The following MED12 variants were observed in gnomAD, a reference collection of about 807,000 sequenced individuals.
MED12 encodes mediator of RNA polymerase II transcription subunit 12.
A neutral mutation model predicts 177.7 loss-of-function variants in MED12; 10 were observed. The observed-to-expected ratio is 0.06, with a 90% confidence interval of 0.03 to 0.10. The LOEUF is 0.10. Ranked by LOEUF, MED12 falls within the 10% of genes least tolerant of loss-of-function variation. The pLI, the probability that MED12 is intolerant of heterozygous loss-of-function variation, is 1.00. For missense variants in MED12, 867 were observed against 1,780.8 expected, an observed-to-expected ratio of 0.49 and a Z score of 9.23; for synonymous variants, 641 against 678.4, an observed-to-expected ratio of 0.94 and a Z score of 0.86.
rs863223706 is a variant in MED12, at chrX:71,130,050, C to T, written c.3883C>T (p.Arg1295Cys). The T allele has an allele frequency of 8.3e-7, 1 of 1,209,372 alleles. No homozygotes were observed. Among genetic ancestry groups the T allele is most frequent in the Non-Finnish European group, 1.1e-6 (1 of 894,293 alleles). ...SICQQEWVGE[R>C]CLKSLCEDSN... ...GCTTCCTCAGGAATGGGTAGGAGAACGTTGCCTTAAGTCTCTGTGTGAGGA... is the reference window on the plus strand; with the variant it reads ...GCTTCCTCAGGAATGGGTAGGAGAATGTTGCCTTAAGTCTCTGTGTGAGGA... The change falls in exon 28 of 45, where the codon CGT becomes TGT. Residue 1295 changes from arginine to cysteine, a missense_variant. Around this residue, in one of 14 missense-constraint regions of MED12, gnomAD observed 11 missense variants for 48.4 expected, o/e 0.23. Transcript: ENST00000374080.
chrX:71,128,112 T>A lies in MED12; in HGVS notation c.3201T>A (p.Asp1067Glu), dbSNP rs758288118. ...TGCACGTCTGTGTGGGGCACCATGA[T>A]CCCGATAGGTATGGGGTGTACTGAG... Reference protein sequence around the residue: ...ALMHVCVGHHDPDRVNDIAIL... With the variant: ...ALMHVCVGHHEPDRVNDIAIL... Residue 1067 changes from aspartate to glutamate, a missense_variant, in exon 22 of 45, where the codon GAT (aspartate) becomes GAA (glutamate). Physicochemically the swap from Asp to Glu is conservative, Grantham distance 45. Transcript: ENST00000374080. The A allele has an allele frequency of 4.1e-6, 5 of 1,206,555 alleles. No homozygotes were observed. Among genetic ancestry groups the A allele is most frequent in the Non-Finnish European group, 5.6e-6 (5 of 892,919 alleles).
chrX:71,141,992 A>G, intron 44 of MED12, 28 bp downstream of exon 44: 1 of 1,201,528 alleles, frequency 8.3e-7, no homozygotes, highest in Non-Finnish European at 1.1e-6. Context: ...CCCAAGGAGA[A>G]CCCCATGGAA....
At chrX:71,138,714 T>C (rs746870086) in intron 41 of MED12, among the ~76,000 whole-genome samples, 20 of 108,091 alleles carry the variant, frequency 1.9e-4, no homozygotes, top group Non-Finnish European at 2.7e-4. Flanking sequence ...GCCGAGATTG[T>C]GCCACAGCAC....
At position 71,137,210 on chromosome X, in the gene MED12, C is replaced by T. The variant is rs759956340; in HGVS notation, c.5575C>T (p.Arg1859Cys). Residue 1859 changes from arginine to cysteine, a missense_variant, in exon 39 of 45, where the codon CGT (arginine) becomes TGT (cysteine). Arg to Cys is a radical substitution (Grantham distance 180). Around this residue, in one of 14 missense-constraint regions of MED12, gnomAD observed 236 missense variants for 345.2 expected, o/e 0.68. Transcript: ENST00000374080. ...PAGGPRVDPYRPVRLPMQKLP... is the reference protein window; with the variant it reads ...PAGGPRVDPYCPVRLPMQKLP... ...AGGTGGCCCTCGTGTGGACCCATAC[C>T]GTCCTGTGCGCTTACCAATGCAGAA... The T allele has an allele frequency of 7.4e-6, 9 of 1,211,710 alleles. No individual in the cohort carries two copies. Among genetic ancestry groups the T allele is most frequent in the Non-Finnish European group, 7.8e-6 (7 of 895,455 alleles).
chrX:71,137,648 G>A lies in MED12; in HGVS notation c.5826+13G>A, dbSNP rs2092336024. On this transcript the variant is annotated intron_variant, in intron 40 of 44. Transcript: ENST00000374080. ...GCAGACTTCCCAGGTAAGAGCCTGG[G>A]ATTGTGAGACTAGGGGGATGAGGCA... 1 of 1,206,792 alleles carries A rather than the reference G, an allele frequency of 8.3e-7. No homozygotes were observed. Among genetic ancestry groups the A allele is most frequent in the Non-Finnish European group, 1.1e-6 (1 of 891,591 alleles).
chrX:71,136,191 A>G (rs1410964085), intron 36 of MED12, 90 bp from the exon 37 acceptor site: 9 of 1,079,453 alleles, frequency 8.3e-6, no homozygotes, highest in East Asian at 6.0e-5. Context: ...GAATCTGCCT[A>G]TGACTTTCTT....
chrX:71,141,730 A>G (rs2092348582), intron 43 of MED12, among the ~76,000 whole-genome samples, 153 bp from the exon 44 acceptor site: 1 of 110,221 alleles, frequency 9.1e-6, no homozygotes. Context: ...TGAACTTGGG[A>G]GGCAGAGGTT....
At chrX:71,118,979 G>A in intron 1 of MED12, 126 bp downstream of exon 1, 1 of 352,843 alleles carries the variant, frequency 2.8e-6, no homozygotes, top group Non-Finnish European at 5.1e-6. Context: ...AGGGGGAAGA[G>A]TAAAGTGGGC....
intron 10 of MED12, 97 bp downstream of exon 10, chrX:71,122,971 T>C: frequency 8.7e-7 from 1 of 1,146,993 alleles, no homozygotes. Flanking sequence ...GCAGAGCATA[T>C]CTGCAGAAAT....
At position 71,140,636 on chromosome X, in the gene MED12, T is replaced by C. The variant is rs2092344632; in HGVS notation, c.6046T>C (p.Phe2016Leu). The C allele has an allele frequency of 3.3e-6, 4 of 1,208,629 alleles. No individual in the cohort carries two copies. The highest frequency in any genetic ancestry group is 4.5e-6 in the Non-Finnish European group (4 of 894,552). ...CCTCTGACCCTCTTATCTTTGGAGGTTTTCACACCAGACACTGCAGCAGAC... is the reference window on the plus strand; with the variant it reads ...CCTCTGACCCTCTTATCTTTGGAGGCTTTCACACCAGACACTGCAGCAGAC... ...YGHGLTSTQR[F>L]SHQTLQQTPM... The change falls in exon 42 of 45, where the codon TTT becomes CTT. Residue 2016 changes from phenylalanine (F) to leucine (L), a missense_variant and splice_region_variant. Around this residue, in one of 14 missense-constraint regions of MED12, gnomAD observed 236 missense variants for 345.2 expected, o/e 0.68. Transcript: ENST00000374080.
chrX:71,132,191 C>A lies in MED12; in HGVS notation c.4238C>A (p.Thr1413Asn), dbSNP rs759532414. The change falls in exon 30 of 45, where the codon ACC becomes AAC. Residue 1413 changes from threonine (T) to asparagine (N), a missense_variant. Coordinates refer to ENST00000374080, the MANE Select transcript of MED12 (RefSeq NM_005120.3). ...TASNMPSSSK[T>N]KPVLSSLERS... The stretch of plus-strand genomic sequence containing the variant: ...AGCAACATGCCCAGCAGCAGCAAGA[C>A]CAAGCCTGTGCTCAGGTCGGATAGA... 22 of 1,210,004 alleles carry A rather than the reference C, an allele frequency of 1.8e-5. No individual in the cohort carries two copies. The South Asian group carries it at 3.9e-4, about 21-fold the overall frequency.
chrX:71,141,130 G>A (rs1247463016), intron 42 of MED12, 100 bp from the exon 43 acceptor site: 4 of 1,154,838 alleles, frequency 3.5e-6, no homozygotes, highest in Non-Finnish European at 3.5e-6. Context: ...TAGACCCCGA[G>A]CTCCCACCCT....
intron 27 of MED12, 64 bp from the exon 28 acceptor site, chrX:71,129,971 C>T (rs1220908344): frequency 1.4e-5 from 17 of 1,176,643 alleles, no homozygotes; most frequent in Non-Finnish European, 2.0e-5. Context: ...CAACTCCAGC[C>T]CATCCCCCAT....
At position 71,135,126 on chromosome X, in the gene MED12, A is replaced by G. The variant is rs1295435834; in HGVS notation, c.4898A>G (p.Glu1633Gly). Residue 1633 changes from glutamate (E) to glycine (G), a missense_variant, in exon 36 of 45, where the codon GAA (glutamate) becomes GGA (glycine). Around this residue, in one of 14 missense-constraint regions of MED12, gnomAD observed 36 missense variants for 141.5 expected, o/e 0.25. Transcript: ENST00000374080. ...GGGGAGCGCCAGTCAGACAGTCTGG[A>G]AAAGGTTCGCCAGCTGCTGCCACTG... Reference protein sequence around the residue: ...ELGERQSDSLEKVRQLLPLPK... With the variant: ...ELGERQSDSLGKVRQLLPLPK... 1 of 1,209,095 alleles carries G rather than the reference A, an allele frequency of 8.3e-7. No individual in the cohort carries two copies. The highest frequency in any genetic ancestry group is 1.8e-5 in the African/African-American group (1 of 56,984).
In MED12 at chrX:71,142,256, C is replaced by T. The variant is rs373723581; in HGVS notation, c.*38C>T. ...AACTGCTTGTGCACTGGATGTGGCC[C>T]CACCCTTTCCTCTTAATTCCCAATC... is the stretch of plus-strand genomic sequence containing the variant. On this transcript the variant is annotated 3_prime_UTR_variant, in exon 45 of 45. Transcript: ENST00000374080. The T allele has an allele frequency of 1.2e-4, 138 of 1,186,991 alleles. No individual in the cohort carries two copies. Among genetic ancestry groups the T allele is most frequent in the Middle Eastern group, 2.3e-4 (1 of 4,309 alleles).
In MED12 at chrX:71,125,324, G is replaced by A. The variant is rs780853597; in HGVS notation, c.2227-27G>A. 8.3e-6 allele frequency: 10 copies of A among 1,208,168 alleles called. No homozygotes were observed. The East Asian group carries it at 2.7e-4, about 32-fold the overall frequency. On this transcript the variant is annotated intron_variant, in intron 15 of 44. Coordinates refer to ENST00000374080, the MANE Select transcript of MED12 (RefSeq NM_005120.3). The stretch of plus-strand genomic sequence containing the variant: ...AGAGGAGGGAAGGAGATCGGTGCTG[G>A]AGTCTGATGGTGCTGCTGGGATGCA...
intron 41 of MED12, among the ~76,000 whole-genome samples, chrX:71,139,045 C>CA (rs962917172): frequency 9.0e-6 from 1 of 110,596 alleles, no homozygotes; most frequent in Non-Finnish European, 1.9e-5. Flanking sequence ...AGAAAGATAG[C>CA]AAAAAAAACC....
chrX:71,132,340 C>T (rs1170693062), intron 30 of MED12, 37 bp from the exon 31 acceptor site: 3 of 1,205,917 alleles, frequency 2.5e-6, no homozygotes, highest in Non-Finnish European at 3.4e-6. Context: ...CCTTGCCTGG[C>T]TCCCCTGTGA....
At position 71,128,309 on chromosome X, in the gene MED12, G is replaced by T. The variant is rs41303701; in HGVS notation, c.3223G>T (p.Ala1075Ser). 15 of 1,210,026 alleles carry T rather than the reference G, an allele frequency of 1.2e-5. No homozygotes were observed. The highest frequency in any genetic ancestry group is 1.7e-5 in the Non-Finnish European group (15 of 895,226). ...ACTTTTCCCTAGGGTGAATGACATC[G>T]CAATCCTGTGTGCAGAGCTGACCGG... is the stretch of plus-strand genomic sequence containing the variant. Reference protein sequence around the residue: ...HHDPDRVNDIAILCAELTGYC... With the variant: ...HHDPDRVNDISILCAELTGYC... The change falls in exon 23 of 45, where the codon GCA (alanine) becomes TCA (serine). Residue 1075 changes from alanine to serine, a missense_variant. Transcript: ENST00000374080.
Sources: allele counts gnomAD v4.1 joint callset (sites outside exome capture counted in the v4.1 genomes callset), GRCh38; gene constraint gnomAD v4.1.1; regional missense constraint gnomAD v4.1.1; transcripts MANE v1.5; gene names NCBI Gene and HGNC (gene_info 2026-07-23, HGNC 2026-07-21).